ASPSCR1: variants seen among roughly 807,000 people sequenced by gnomAD.
ASPSCR1 encodes the protein ASPSCR1 tether for SLC2A4, UBX domain containing.
In ASPSCR1, 55 loss-of-function variants were observed where a neutral mutation model predicts 68.9. The ratio of observed to expected loss-of-function variants is 0.80; its 90% CI spans 0.64 to 1.00. ASPSCR1 has a LOEUF of 1.00. Ranked by LOEUF, ASPSCR1 falls within the 50% of genes least tolerant of loss-of-function variation. The pLI, the probability that ASPSCR1 is intolerant of heterozygous loss-of-function variation, is 0.00. For synonymous variants in ASPSCR1, 352 were observed against 332.6 expected (o/e 1.06, Z -0.63); for missense variants, 765 against 762.2 (o/e 1.00, Z -0.04).
chr17:82,012,964 T>A (rs560937006), intron 12 of ASPSCR1: 1 of 152,444 alleles, frequency 6.6e-6, no homozygotes, highest in South Asian at 2.1e-4. Flanking sequence ...GGTTTCCTCT[T>A]CAAAGCCTCT....
chr17:82,014,905 G>A, intron 12 of ASPSCR1: 1 of 813,472 alleles, frequency 1.2e-6, no homozygotes, highest in South Asian at 1.8e-5. Context: ...TCAGGGCAGG[G>A]CGGGCACCCC....
intron 2 of ASPSCR1, among the ~76,000 whole-genome samples, chr17:81,981,568 G>A (rs565290663): frequency 2.6e-5 from 4 of 152,178 alleles, no homozygotes; most frequent in East Asian, 1.9e-4. Context: ...TAGTAGGGAC[G>A]GGGTTTCACC....
In ASPSCR1 at chr17:81,983,307, G is replaced by A. The variant is rs976720806; in HGVS notation, c.159-247G>A. On this transcript the variant is annotated intron_variant, in intron 2 of 15. Coordinates refer to ENST00000306739, the MANE Select transcript of ASPSCR1 (RefSeq NM_024083.4). The surrounding 1 kb of genome is among the most constrained non-coding windows in gnomAD (Gnocchi z 4.4). ...CAGACTCTGAAGGAGCAGCCCCCTC[G>A]GCGTGCACCGAGGCCCACATCTCCC... Among the ~76,000 whole-genome samples the A allele has an allele frequency of 3.3e-5, 5 of 152,126 alleles. No individual in the cohort carries two copies. The highest frequency in any genetic ancestry group is 4.4e-5 in the Non-Finnish European group (3 of 68,020).
intron 3 of ASPSCR1, among the ~76,000 whole-genome samples, chr17:81,984,994 ACC>A (rs140516312): frequency 1.5e-5 from 1 of 68,952 alleles, no homozygotes; most frequent in African/African-American, 6.4e-5. Context: ...CTGCGTGCAC[ACC>A]CCCCCACACA....
Position 82,016,874 on chromosome 17 carries a change from G to T in ASPSCR1, c.1475+5G>T, listed in dbSNP as rs1306756883. Reference sequence around the variant, plus strand: ...GGCCGATGTGCTGGTGGCCAGGTAAGTGCCGGTGGGTCTGGGGGCACCTCC... The same window carrying T: ...GGCCGATGTGCTGGTGGCCAGGTAATTGCCGGTGGGTCTGGGGGCACCTCC... On this transcript the variant is annotated splice_donor_5th_base_variant and intron_variant, in intron 14 of 15. Coordinates refer to ENST00000306739, the MANE Select transcript of ASPSCR1 (RefSeq NM_024083.4). 1.9e-6 allele frequency: 3 copies of T among 1,612,592 alleles called. No homozygotes were observed. The highest frequency in any genetic ancestry group is 2.5e-6 in the Non-Finnish European group (3 of 1,179,954).
At chr17:82,000,773 G>A (rs576695915) in intron 7 of ASPSCR1, among the ~76,000 whole-genome samples, 4 of 152,210 alleles carry the variant, frequency 2.6e-5, no homozygotes, top group East Asian at 1.9e-4. Context: ...TTTTACTGGC[G>A]ATCAGAACCG....
chr17:81,998,307 T>C (rs2042423132), intron 7 of ASPSCR1, among the ~76,000 whole-genome samples: 1 of 152,210 alleles, frequency 6.6e-6, no homozygotes, highest in African/African-American at 2.4e-5. Context: ...GATAGTATCA[T>C]GCTTCCTGTT....
rs2042010991 is a variant in ASPSCR1 at position 81,986,941 on chromosome 17, C to A, written c.374+1334C>A. Among the ~76,000 whole-genome samples the A allele has an allele frequency of 6.6e-6, 1 of 152,154 alleles. No individual in the cohort carries two copies. Among genetic ancestry groups the A allele is most frequent in the Non-Finnish European group, 1.5e-5 (1 of 68,032 alleles). ...GTGGCTGTCGGGGTGAATGGAGGCC[C>A]CTGGAGATGGCAGCGGGTTAAGCAC... is the stretch of plus-strand genomic sequence containing the variant. On this transcript the variant is annotated intron_variant, in intron 4 of 15. Transcript: ENST00000306739. The surrounding 1 kb of genome is among the most constrained non-coding windows in gnomAD (Gnocchi z 5.2).
intron 11 of ASPSCR1, among the ~76,000 whole-genome samples, chr17:82,011,834 C>T (rs796371172): frequency 6.4e-4 from 97 of 152,240 alleles, no homozygotes; most frequent in African/African-American, 2.0e-3. Context: ...TCTCTCTCAG[C>T]GCCCTGCTCC....
chr17:82,014,013 C>T (rs1489540009), intron 12 of ASPSCR1: 1 of 152,304 alleles, frequency 6.6e-6, no homozygotes, highest in Non-Finnish European at 1.5e-5. Flanking sequence ...GGGCTTCCTT[C>T]CATTGGCTTT....
In ASPSCR1 at chr17:81,994,252, T is replaced by C. The variant is rs139082197; in HGVS notation, c.375-569T>C. On this transcript the variant is annotated intron_variant, in intron 4 of 15. Transcript: ENST00000306739. Reference sequence around the variant, plus strand: ...AAGACACTGGTGGCAGAGTCCGACATGGACTTATAAGCACGGCCTCCCCGG... The same window carrying C: ...AAGACACTGGTGGCAGAGTCCGACACGGACTTATAAGCACGGCCTCCCCGG... 1.2e-3 allele frequency among the ~76,000 whole-genome samples: 183 copies of C among 152,294 alleles called. 1 individual carries two copies. The highest frequency in any genetic ancestry group is 4.2e-3 in the African/African-American group (176 of 41,572).
chr17:81,994,026 G>A (rs572347918), intron 4 of ASPSCR1, among the ~76,000 whole-genome samples: 1 of 152,282 alleles, frequency 6.6e-6, no homozygotes, highest in Non-Finnish European at 1.5e-5. Flanking sequence ...GGATTTCACG[G>A]TGGGGAGTTG....
chr17:81,997,020 G>A (rs553034143), intron 7 of ASPSCR1, among the ~76,000 whole-genome samples, 174 bp downstream of exon 7: 1 of 129,020 alleles, frequency 7.8e-6, no homozygotes, highest in Non-Finnish European at 1.6e-5. Flanking sequence ...ACTTCGCCCA[G>A]GAAGGAATTT....
chr17:81,992,303 T>C (rs1251911227), intron 4 of ASPSCR1, among the ~76,000 whole-genome samples: 1 of 152,166 alleles, frequency 6.6e-6, no homozygotes, highest in Admixed American at 6.5e-5. Flanking sequence ...CCTGGCGTCC[T>C]GCACACTGGG....
At chr17:82,008,847 T>A in intron 7 of ASPSCR1, 190 bp from the exon 8 acceptor site, 2 of 697,476 alleles carry the variant, frequency 2.9e-6, no homozygotes, top group Non-Finnish European at 4.4e-6. Context: ...CTGAGTGGGG[T>A]GGGGTCCCCC....
chr17:81,977,845 G>A lies in ASPSCR1; in HGVS notation c.102+97G>A. On this transcript the variant is annotated intron_variant, in intron 1 of 15. Transcript: ENST00000306739. The surrounding 1 kb of genome is among the most constrained non-coding windows in gnomAD (Gnocchi z 5.0). ...TCGGCGTCCCGGTGTTCGGGGGCGG[G>A]GCCTCGGCGGCCAATGAGCGGCCTC... 6 of 939,958 alleles carry A rather than the reference G, an allele frequency of 6.4e-6. No homozygotes were observed. The highest frequency in any genetic ancestry group is 8.2e-6 in the Non-Finnish European group (6 of 734,918). The allele number at this position is 939,958 out of a possible 1,614,324, so 58.2% of individuals were successfully genotyped here. A position where few individuals can be genotyped will look rare whatever the true frequency, so the allele number is the denominator to read the frequency against.
intron 12 of ASPSCR1, chr17:82,015,374 G>A (rs566346825): frequency 2.0e-5 from 32 of 1,593,936 alleles, no homozygotes; most frequent in Non-Finnish European, 2.5e-5. Context: ...GCCTGGCTCA[G>A]TGCTCCCTGC....
At chr17:81,984,999 C>CAA (rs2041934060) in intron 3 of ASPSCR1, among the ~76,000 whole-genome samples, 1 of 140,004 alleles carries the variant, frequency 7.1e-6, no homozygotes, top group African/African-American at 2.7e-5. Context: ...TGCACACCCC[C>CAA]CCACACACCT....
Position 82,017,364 on chromosome 17 carries a change from C to T in ASPSCR1, c.*42C>T. 6.2e-7 allele frequency: 1 copy of T among 1,612,120 alleles called. No homozygotes were observed. The highest frequency in any genetic ancestry group is 8.5e-7 in the Non-Finnish European group (1 of 1,179,750). On this transcript the variant is annotated 3_prime_UTR_variant, in exon 16 of 16. Coordinates refer to ENST00000306739, the MANE Select transcript of ASPSCR1 (RefSeq NM_024083.4). Reference sequence around the variant, plus strand: ...GTGCCCACTCCGCCAGCCACAGGACCACCTCCTCTGCCAGCAGGAATAAAG... The same window carrying T: ...GTGCCCACTCCGCCAGCCACAGGACTACCTCCTCTGCCAGCAGGAATAAAG...
Sources: gnomAD v4.1 joint callset for allele counts (sites outside exome capture counted in the v4.1 genomes callset) on GRCh38, gnomAD v4.1.1 for gene constraint, Gnocchi (gnomAD v3.1) non-coding constraint, MANE v1.5 for transcripts, NCBI Gene and HGNC (gene_info 2026-07-23, HGNC 2026-07-21) for gene names.